Variants in HSF1 observed in about 807,000 individuals in gnomAD.
The protein encoded by HSF1 is heat shock factor protein 1.
A neutral mutation model predicts 51.7 loss-of-function variants in HSF1; 32 were observed. That is an observed-to-expected ratio of 0.62 (90% CI 0.47 to 0.83). The LOEUF is 0.83. Among genes scored for constraint, HSF1 ranks in the 40% least tolerant of loss-of-function variants. The pLI is 0.00. For missense variants in HSF1, 727 were observed against 717.0 expected, an observed-to-expected ratio of 1.01 and a Z score of -0.16; for synonymous variants, 396 against 309.7, an observed-to-expected ratio of 1.28 and a Z score of -2.92.
At position 144,309,105 on chromosome 8, in the gene HSF1, G is replaced by A. The variant is rs1816424551; in HGVS notation, c.226+91G>A. 2.9e-6 allele frequency: 3 copies of A among 1,045,876 alleles called. No individual in the cohort carries two copies. The African/African-American group carries it at 4.7e-5, about 16-fold the overall frequency. The allele number at this position is 1,045,876 out of a possible 1,614,324, so 64.8% of individuals were successfully genotyped here. On this transcript the variant is annotated intron_variant, in intron 2 of 12. Coordinates refer to ENST00000528838, the MANE Select transcript of HSF1 (RefSeq NM_005526.4). ...AGGAGGACCCTGTGATGAAGGACGG[G>A]GCGTCCTGTGCTGGCCAAGGGCATG...
intron 1 of HSF1, among the ~76,000 whole-genome samples, chr8:144,292,321 G>A (rs1429339196): frequency 6.6e-6 from 1 of 152,232 alleles, no homozygotes; most frequent in Non-Finnish European, 1.5e-5. Flanking sequence ...TGAAGTGGAG[G>A]GCGTTGCTGT....
chr8:144,306,012 G>A (rs926306208), intron 1 of HSF1, among the ~76,000 whole-genome samples: 8 of 152,170 alleles, frequency 5.3e-5, no homozygotes, highest in Admixed American at 2.0e-4. Context: ...GATTACAGGC[G>A]TGAGCCACCG....
chr8:144,312,805 G>A (rs1460824227), intron 9 of HSF1: 7 of 1,183,958 alleles, frequency 5.9e-6, no homozygotes, highest in Non-Finnish European at 7.2e-6. Flanking sequence ...GGCCGGGCAT[G>A]AGCGTCGGGC....
chr8:144,304,734 C>T (rs1816103246), intron 1 of HSF1, among the ~76,000 whole-genome samples: 1 of 152,116 alleles, frequency 6.6e-6, no homozygotes, highest in African/African-American at 2.4e-5. Flanking sequence ...ACAACTTCTA[C>T]CTCCCGGGTT....
chr8:144,308,956 G>T lies in HSF1; in HGVS notation c.168G>T (p.Val56=). The part of the protein sequence containing the change: ...VFDQGQFAKE[V]LPKYFKHNNM... ...ACCAGGGCCAGTTTGCCAAGGAGGT[G>T]CTGCCCAAGTACTTCAAGCACAACA... The change falls in exon 2 of 13, where the codon GTG becomes GTT. Residue 56 remains valine, a synonymous_variant. Coordinates refer to ENST00000528838, the MANE Select transcript of HSF1 (RefSeq NM_005526.4). 6.2e-7 allele frequency: 1 copy of T among 1,614,188 alleles called. No homozygotes were observed. Among genetic ancestry groups the T allele is most frequent in the Non-Finnish European group, 8.5e-7 (1 of 1,179,996 alleles).
intron 1 of HSF1, among the ~76,000 whole-genome samples, chr8:144,298,171 C>T (rs1815596090): frequency 6.6e-6 from 1 of 152,148 alleles, no homozygotes; most frequent in South Asian, 2.1e-4. Flanking sequence ...ATGAGAGAGA[C>T]ACTGGGTTCT....
Position 144,311,162 on chromosome 8 carries a change from G to T in HSF1, c.489-12G>T. The T allele has an allele frequency of 6.3e-7, 1 of 1,591,378 alleles. No homozygotes were observed. Among genetic ancestry groups the T allele is most frequent in the Non-Finnish European group, 8.6e-7 (1 of 1,169,386 alleles). ...GGATTGGGCCCCACTGACCCAGCCT[G>T]GTCTGTTGCAGTGAGAATGAGGCTC... On this transcript the variant is annotated splice_polypyrimidine_tract_variant and intron_variant, in intron 4 of 12. Coordinates refer to ENST00000528838, the MANE Select transcript of HSF1 (RefSeq NM_005526.4).
chr8:144,306,316 G>C (rs1554843300), intron 1 of HSF1, among the ~76,000 whole-genome samples: 1 of 150,128 alleles, frequency 6.7e-6, no homozygotes, highest in African/African-American at 2.5e-5. Context: ...ATGGGTCCTA[G>C]CTTCTTGTTT....
rs1554844328 is a variant in HSF1 at position 144,311,321 on chromosome 8, C to T, written c.565C>T (p.Leu189Phe). The T allele has an allele frequency of 6.2e-7, 1 of 1,613,970 alleles. No homozygotes were observed. The highest frequency in any genetic ancestry group is 8.5e-7 in the Non-Finnish European group (1 of 1,180,016). The change falls in exon 6 of 13, where the codon CTC becomes TTC. Residue 189 changes from leucine to phenylalanine, a missense_variant and splice_region_variant. Physicochemically the swap from Leu to Phe is conservative, Grantham distance 22. Coordinates refer to ENST00000528838, the MANE Select transcript of HSF1 (RefSeq NM_005526.4). ...HAQQQKVVNKLIQFLISLVQS... is the reference protein window; with the variant it reads ...HAQQQKVVNKFIQFLISLVQS... Reference sequence around the variant, plus strand: ...GTAACTGTGTCCTCTCTCTCCACAGCTCATTCAGTTCCTGATCTCACTGGT... The same window carrying T: ...GTAACTGTGTCCTCTCTCTCCACAGTTCATTCAGTTCCTGATCTCACTGGT...
chr8:144,304,507 T>C (rs1366204917), intron 1 of HSF1, among the ~76,000 whole-genome samples: 3 of 152,192 alleles, frequency 2.0e-5, no homozygotes, highest in African/African-American at 7.2e-5. Context: ...CTCCAACTCC[T>C]GGGCTCAAGG....
At chr8:144,299,112 A>G (rs782471019) in intron 1 of HSF1, among the ~76,000 whole-genome samples, 8 of 152,152 alleles carry the variant, frequency 5.3e-5, no homozygotes, top group Non-Finnish European at 1.2e-4. Context: ...CCCTGGAAAC[A>G]CCACTGCCTG....
At position 144,312,108 on chromosome 8, in the gene HSF1, C is replaced by A; in HGVS notation, c.1006C>A (p.Arg336=). ...GACCGCCCTCATTGACTCCATCCTG[C>A]GGGAGAGTGAACCTGCCCCCGCCTC... ...SPTALIDSIL[R]ESEPAPASVT... is the part of the protein sequence containing the mutation. Residue 336 remains arginine (R), a synonymous_variant, in exon 9 of 13, where the codon CGG becomes AGG. Transcript: ENST00000528838. The A allele has an allele frequency of 8.1e-6, 13 of 1,612,362 alleles. No homozygotes were observed. The highest frequency in any genetic ancestry group is 1.1e-5 in the Non-Finnish European group (13 of 1,179,832).
chr8:144,295,246 A>G (rs1815377523), intron 1 of HSF1, among the ~76,000 whole-genome samples: 1 of 152,226 alleles, frequency 6.6e-6, no homozygotes, highest in South Asian at 2.1e-4. Context: ...GGAGAACCAA[A>G]CAAAAGCAGA....
intron 1 of HSF1, chr8:144,292,611 T>G (rs546339965): frequency 6.6e-6 from 1 of 152,312 alleles, no homozygotes; most frequent in East Asian, 1.9e-4. Context: ...GGCTGTGACG[T>G]CGTGTCCGGT....
chr8:144,308,667 G>A (rs1176290339), intron 1 of HSF1, among the ~76,000 whole-genome samples: 2 of 152,332 alleles, frequency 1.3e-5, no homozygotes, highest in Admixed American at 6.5e-5. Context: ...TCTGCCCACC[G>A]CCCAGTCCTG....
Position 144,313,603 on chromosome 8 carries a change from G to A in HSF1, c.1235G>A (p.Ser412Asn), listed in dbSNP as rs781927575. ...LSSHGFSVDT[S>N]ALLDLFSPSV... ...AGCCACGGCTTCAGCGTGGACACCA[G>A]TGCCCTGCTGGACGTGAGTGGAGCC... is the stretch of plus-strand genomic sequence containing the variant. Residue 412 changes from serine to asparagine, a missense_variant, in exon 10 of 13, where the codon AGT (serine) becomes AAT (asparagine). By Grantham distance (46) the Ser-to-Asn change is conservative (BLOSUM62 1). This residue lies in a region of HSF1 where 470 missense variants were observed against 398.8 expected (regional missense o/e 1.18). Coordinates refer to ENST00000528838, the MANE Select transcript of HSF1 (RefSeq NM_005526.4). The A allele has an allele frequency of 1.2e-6, 2 of 1,602,680 alleles. No homozygotes were observed. Among genetic ancestry groups the A allele is most frequent in the Non-Finnish European group, 1.7e-6 (2 of 1,173,970 alleles).
chr8:144,309,710 G>A (rs1372440258), intron 3 of HSF1, 62 bp from the exon 4 acceptor site: 15 of 1,535,248 alleles, frequency 9.8e-6, no homozygotes, highest in South Asian at 6.7e-5. Flanking sequence ...TGCAGTGGAC[G>A]AGCCTGAGCC....
chr8:144,294,215 C>G (rs1554840919), intron 1 of HSF1, among the ~76,000 whole-genome samples: 1 of 152,178 alleles, frequency 6.6e-6, no homozygotes, highest in Non-Finnish European at 1.5e-5. Flanking sequence ...GCGCAGGGGG[C>G]TGCAGAGCTT....
At chr8:144,308,309 G>A (rs1008920001) in intron 1 of HSF1, among the ~76,000 whole-genome samples, 1 of 152,224 alleles carries the variant, frequency 6.6e-6, no homozygotes, top group African/African-American at 2.4e-5. Context: ...AGCGCCTCCT[G>A]ATAGCTCTGG....
Sources: allele counts gnomAD v4.1 joint callset (sites outside exome capture counted in the v4.1 genomes callset), GRCh38; gene constraint gnomAD v4.1.1; regional missense constraint gnomAD v4.1.1; transcripts MANE v1.5; gene names NCBI Gene and HGNC (gene_info 2026-07-23, HGNC 2026-07-21).